NUP205: variants seen among roughly 807,000 people sequenced by gnomAD.
NUP205 encodes the protein nuclear pore complex protein Nup205.
In NUP205, 76 loss-of-function variants were observed where a neutral mutation model predicts 253.8. The observed-to-expected ratio is 0.30, with a 90% confidence interval of 0.25 to 0.36. The LOEUF (loss-of-function observed/expected upper bound fraction) is 0.36. Among genes scored for constraint, NUP205 ranks in the 10% least tolerant of loss-of-function variants. The pLI, the probability that NUP205 is intolerant of heterozygous loss-of-function variation, is 1.00. For synonymous variants in NUP205, 832 were observed against 850.1 expected (o/e 0.98, Z 0.37); for missense variants, 2,162 against 2,425.5 (o/e 0.89, Z 2.28).
chr7:135,560,986 TAC>T (rs1181599155), intron 1 of NUP205, among the ~76,000 whole-genome samples: 1 of 152,040 alleles, frequency 6.6e-6, no homozygotes, highest in African/African-American at 2.4e-5. Context: ...TCCTTTAAAT[TAC>T]AGTTTTAAAA....
chr7:135,642,042 G>A (rs912200665), intron 38 of NUP205, among the ~76,000 whole-genome samples: 1 of 151,766 alleles, frequency 6.6e-6, no homozygotes, highest in African/African-American at 2.4e-5. Context: ...ATCACCTGAG[G>A]TAAGGAGTTT....
chr7:135,568,425 C>T (rs1344242029), intron 1 of NUP205, among the ~76,000 whole-genome samples: 3 of 151,608 alleles, frequency 2.0e-5, no homozygotes, highest in Non-Finnish European at 2.9e-5. Flanking sequence ...CTCCACCTCC[C>T]AGGTTCAAGC....
intron 2 of NUP205, among the ~76,000 whole-genome samples, chr7:135,572,296 C>T (rs953761873): frequency 1.3e-5 from 2 of 152,090 alleles, no homozygotes; most frequent in African/African-American, 4.8e-5. Flanking sequence ...GAAATATTAA[C>T]TGCCTTAGAA....
In NUP205 at chr7:135,616,739, G is replaced by C; in HGVS notation, c.3532+13G>C. The C allele has an allele frequency of 7.0e-7, 1 of 1,431,150 alleles. No homozygotes were observed. 88.7% of individuals were successfully genotyped at this position (1,431,150 alleles called of 1,614,324 possible). ...ACTGCTACAAAAGGTAATGCCCTTT[G>C]AATTTGTAATAAATTTATTTTATAG... On this transcript the variant is annotated intron_variant, in intron 25 of 42. Coordinates refer to ENST00000285968, the MANE Select transcript of NUP205 (RefSeq NM_015135.3).
chr7:135,646,299 A>G, intron 42 of NUP205, 68 bp downstream of exon 42: 2 of 1,133,412 alleles, frequency 1.8e-6, no homozygotes, highest in South Asian at 1.3e-5. Flanking sequence ...GTGATGGTAC[A>G]CATCTGTAAT....
intron 10 of NUP205, among the ~76,000 whole-genome samples, chr7:135,590,492 G>T (rs1335342332): frequency 6.6e-6 from 1 of 151,644 alleles, no homozygotes; most frequent in Non-Finnish European, 1.5e-5. Context: ...TAATATTTAA[G>T]TAAGTATATC....
chr7:135,605,806 G>T, intron 19 of NUP205, among the ~76,000 whole-genome samples: 1 of 150,332 alleles, frequency 6.7e-6, no homozygotes, highest in Non-Finnish European at 1.5e-5. Context: ...TTAAGATCTC[G>T]TAACATTGAC....
chr7:135,624,841 A>G (rs1794551403), intron 31 of NUP205, among the ~76,000 whole-genome samples: 1 of 152,184 alleles, frequency 6.6e-6, no homozygotes, highest in African/African-American at 2.4e-5. Context: ...GTGAGAAAAA[A>G]CAGCTGTTAA....
At chr7:135,594,839 C>A in intron 13 of NUP205, 110 bp downstream of exon 13, 1 of 747,878 alleles carries the variant, frequency 1.3e-6, no homozygotes. Context: ...TCATGAACAT[C>A]CCAACTAGAG....
At chr7:135,569,762 T>G (rs1805891959) in intron 1 of NUP205, among the ~76,000 whole-genome samples, 1 of 152,098 alleles carries the variant, frequency 6.6e-6, no homozygotes, top group Non-Finnish European at 1.5e-5. Context: ...ATCCTTTTTA[T>G]ATGAGTTTAT....
chr7:135,596,974 A>T (rs975588462), intron 13 of NUP205, among the ~76,000 whole-genome samples: 2 of 150,158 alleles, frequency 1.3e-5, no homozygotes, highest in South Asian at 2.1e-4. Flanking sequence ...AAAAAAAAAA[A>T]TTGAAAAAAA....
chr7:135,561,400 A>G (rs1805576585), intron 1 of NUP205, among the ~76,000 whole-genome samples: 1 of 152,192 alleles, frequency 6.6e-6, no homozygotes, highest in African/African-American at 2.4e-5. Context: ...TCAGCTGTAT[A>G]ACTTAACTAG....
chr7:135,562,748 T>A (rs1221942430), intron 1 of NUP205, among the ~76,000 whole-genome samples: 2 of 152,088 alleles, frequency 1.3e-5, no homozygotes, highest in African/African-American at 4.8e-5. Flanking sequence ...GGTTTCACCG[T>A]GTTGGCCAGG....
chr7:135,590,071 A>T (rs1806584141), intron 10 of NUP205, among the ~76,000 whole-genome samples: 1 of 151,164 alleles, frequency 6.6e-6, no homozygotes, highest in Non-Finnish European at 1.5e-5. Context: ...TTAACATCTT[A>T]TGATGTTTGC....
At chr7:135,617,521 C>T in intron 26 of NUP205, 81 bp from the exon 27 acceptor site, 1 of 1,029,334 alleles carries the variant, frequency 9.7e-7, no homozygotes, top group Middle Eastern at 2.1e-4. Context: ...CCCTTTAGGG[C>T]AGTTTATGGT....
At chr7:135,638,438 C>T (rs1042371010) in intron 37 of NUP205, 119 bp from the exon 38 acceptor site, 67 of 630,666 alleles carry the variant, frequency 1.1e-4, no homozygotes, top group African/African-American at 2.6e-4. Flanking sequence ...AAAAAGAATA[C>T]ACAGATGTGA....
intron 21 of NUP205, 71 bp downstream of exon 21, chr7:135,606,986 C>A: frequency 7.0e-7 from 1 of 1,436,780 alleles, no homozygotes; most frequent in Non-Finnish European, 9.7e-7. Context: ...TGATTGCATT[C>A]TGGGCTCATG....
chr7:135,645,880 A>G (rs1181074973), intron 41 of NUP205: 8 of 575,834 alleles, frequency 1.4e-5, no homozygotes, highest in African/African-American at 3.7e-5. Flanking sequence ...GAGGTCTGCT[A>G]TTATGCTGAT....
At chr7:135,563,917 GT>G (rs999109709) in intron 1 of NUP205, among the ~76,000 whole-genome samples, 3 of 152,008 alleles carry the variant, frequency 2.0e-5, no homozygotes, top group African/African-American at 4.8e-5. Context: ...GAGCCCAGGA[GT>G]TTGAGGCTGT....
Sources: allele counts gnomAD v4.1 joint callset (sites outside exome capture counted in the v4.1 genomes callset), GRCh38; gene constraint gnomAD v4.1.1; transcripts MANE v1.5; gene names NCBI Gene and HGNC (gene_info 2026-07-23, HGNC 2026-07-21).